STK3: variants seen among roughly 807,000 people sequenced by gnomAD.
STK3 encodes the protein serine/threonine-protein kinase 3.
In STK3, 41 loss-of-function variants were observed where a neutral mutation model predicts 58.0. The observed-to-expected ratio is 0.71, with a 90% CI of 0.55 to 0.92. The LOEUF (loss-of-function observed/expected upper bound fraction) is 0.92, where lower values mean the gene tolerates loss of function less well. STK3 is among the 40% of genes least tolerant of loss of function. The pLI is 0.00. For synonymous variants in STK3, 170 were observed against 191.0 expected (o/e 0.89, Z 0.91); for missense variants, 479 against 602.7 (o/e 0.79, Z 2.15).
At chr8:98,404,346 G>A (rs1287277669) in intron 3 of STK3, among the ~76,000 whole-genome samples, 2 of 152,082 alleles carry the variant, frequency 1.3e-5, no homozygotes, top group East Asian at 3.9e-4. Context: ...AGACTAGCTT[G>A]GACAACATAG....
At chr8:98,543,908 T>C (rs2131565633) in intron 9 of STK3, among the ~76,000 whole-genome samples, 1 of 152,300 alleles carries the variant, frequency 6.6e-6, no homozygotes, top group Non-Finnish European at 1.5e-5. Context: ...ACACTGAGAC[T>C]GGACCATATC....
intron 3 of STK3, among the ~76,000 whole-genome samples, chr8:98,415,177 T>C (rs932498295): frequency 2.0e-5 from 3 of 152,150 alleles, no homozygotes; most frequent in Non-Finnish European, 4.4e-5. Flanking sequence ...TAAGGAACCA[T>C]CTTGGAAACA....
At chr8:98,792,508 C>T (rs1051323374) in intron 1 of STK3, among the ~76,000 whole-genome samples, 7 of 152,074 alleles carry the variant, frequency 4.6e-5, no homozygotes, top group African/African-American at 1.7e-4. Context: ...ACCAGGCTGA[C>T]CAACATGGAG....
chr8:98,392,718 A>C (rs6468636), upstream of STK3, among the ~76,000 whole-genome samples: 139,654 of 152,202 alleles, frequency 0.92, 64,268 homozygotes, highest in Admixed American at 0.96. Flanking sequence ...TCCTTCCAAT[A>C]TGACTTGGAA....
chr8:98,739,467 T>A (rs1828979090), intron 4 of STK3, among the ~76,000 whole-genome samples: 1 of 150,520 alleles, frequency 6.6e-6, no homozygotes, highest in African/African-American at 2.5e-5. Context: ...CCACCGCTGC[T>A]GGTACCCAGG....
At chr8:98,563,991 T>A (rs1217479685) in intron 8 of STK3, among the ~76,000 whole-genome samples, 3 of 151,962 alleles carry the variant, frequency 2.0e-5, no homozygotes, top group African/African-American at 7.2e-5. Flanking sequence ...TTCCAAAGAG[T>A]ACAGTATGAA....
intron 10 of STK3, among the ~76,000 whole-genome samples, chr8:98,514,603 G>A (rs2131420902): frequency 6.6e-6 from 1 of 151,288 alleles, no homozygotes; most frequent in East Asian, 2.0e-4. Flanking sequence ...GCTGTAATCG[G>A]CCTACATTTA....
At chr8:98,381,671 T>C (rs1817734610) in intron 1 of STK3, among the ~76,000 whole-genome samples, 1 of 152,318 alleles carries the variant, frequency 6.6e-6, no homozygotes, top group Non-Finnish European at 1.5e-5. Flanking sequence ...CCTTTTGAGG[T>C]AGGTGTTACT....
intron 1 of STK3, among the ~76,000 whole-genome samples, chr8:98,802,905 C>T (rs998551617): frequency 6.6e-6 from 1 of 152,106 alleles, no homozygotes; most frequent in Non-Finnish European, 1.5e-5. Flanking sequence ...TGTGTATGTG[C>T]GTGTTTGCAT....
At chr8:98,651,447 A>G (rs1040103663) in intron 6 of STK3, 2 of 152,320 alleles carry the variant, frequency 1.3e-5, no homozygotes, top group Non-Finnish European at 2.9e-5. Context: ...TCCTCCTCCA[A>G]AGGAATGCAG....
intron 3 of STK3, among the ~76,000 whole-genome samples, chr8:98,841,454 T>G (rs1835977394): frequency 2.0e-5 from 3 of 152,088 alleles, no homozygotes; most frequent in Admixed American, 2.0e-4. Context: ...TTTATCTGTG[T>G]GCAAAACTGA....
intron 1 of STK3, among the ~76,000 whole-genome samples, chr8:98,908,181 T>C (rs1838988006): frequency 6.6e-6 from 1 of 152,208 alleles, no homozygotes; most frequent in African/African-American, 2.4e-5. Context: ...GGGTGCAAAA[T>C]GGTGATACTC....
intron 3 of STK3, among the ~76,000 whole-genome samples, chr8:98,408,661 C>T (rs1818023593): frequency 1.3e-5 from 2 of 152,244 alleles, no homozygotes. Context: ...GCCTTCCTGA[C>T]ACATCCTCCT....
chr8:98,680,512 C>T (rs535822334), intron 6 of STK3, among the ~76,000 whole-genome samples: 1 of 152,134 alleles, frequency 6.6e-6, no homozygotes, highest in Non-Finnish European at 1.5e-5. Flanking sequence ...TCTACCACAC[C>T]GCAGCAGCAT....
At chr8:98,786,129 C>A (rs1283381587) in intron 1 of STK3, among the ~76,000 whole-genome samples, 1 of 152,090 alleles carries the variant, frequency 6.6e-6, no homozygotes, top group Non-Finnish European at 1.5e-5. Context: ...CAAAGGAAAT[C>A]CAGGAAATAA....
At chr8:98,374,834 T>C (rs1251934365) in intron 2 of STK3, among the ~76,000 whole-genome samples, 1 of 152,176 alleles carries the variant, frequency 6.6e-6, no homozygotes, top group Non-Finnish European at 1.5e-5. Flanking sequence ...ATAAAGATAC[T>C]CTGGAAGGAT....
intron 6 of STK3, among the ~76,000 whole-genome samples, chr8:98,616,258 T>A: frequency 8.6e-6 from 1 of 116,538 alleles, no homozygotes. Context: ...GACAAGCAAA[T>A]GCTGAAAGAT....
intron 3 of STK3, among the ~76,000 whole-genome samples, chr8:98,838,074 CAAAAAAAAAA>C (rs58973724): frequency 1.7e-5 from 1 of 58,774 alleles, no homozygotes; most frequent in Non-Finnish European, 3.3e-5. Flanking sequence ...ACTAAAAATA[CAAAAAAAAAA>C]AAAAAAAAAA....
chr8:98,368,160 A>G (rs764516037), downstream of STK3, among the ~76,000 whole-genome samples: 2 of 152,186 alleles, frequency 1.3e-5, no homozygotes, highest in Admixed American at 6.5e-5. Flanking sequence ...AATATGTTGA[A>G]TTTTAAAAGA....
Sources: allele counts gnomAD v4.1 joint callset (sites outside exome capture counted in the v4.1 genomes callset), GRCh38; gene constraint gnomAD v4.1.1; transcripts MANE v1.5; gene names NCBI Gene and HGNC (gene_info 2026-07-23, HGNC 2026-07-21).